The following OTOGL variants were observed in gnomAD, a reference collection of about 807,000 sequenced individuals.
OTOGL encodes the protein otogelin-like protein.
In OTOGL, 285 loss-of-function variants were observed where a neutral mutation model predicts 318.5. That is an observed-to-expected ratio of 0.89 (90% CI 0.81 to 0.99). The LOEUF (loss-of-function observed/expected upper bound fraction) is 0.99, where lower values mean the gene tolerates loss of function less well. Among genes scored for constraint, OTOGL ranks in the 50% least tolerant of loss-of-function variants. The pLI is 0.00. For missense variants in OTOGL, 2,899 were observed against 2,845.6 expected (o/e 1.02, Z -0.43); for synonymous variants, 987 against 936.5 (o/e 1.05, Z -0.99).
chr12:80,367,849 A>G, intron 54 of OTOGL, 110 bp downstream of exon 54: 2 of 732,456 alleles, frequency 2.7e-6, no homozygotes, highest in Non-Finnish European at 4.0e-6. Context: ...TATATTATAT[A>G]GTTCTTCAAT....
At chr12:80,330,742 A>T (rs1888015779) in intron 37 of OTOGL, among the ~76,000 whole-genome samples, 1 of 152,242 alleles carries the variant, frequency 6.6e-6, no homozygotes, top group Non-Finnish European at 1.5e-5. Flanking sequence ...TAAGGGATCT[A>T]CTGAAACCTA....
intron 46 of OTOGL, among the ~76,000 whole-genome samples, chr12:80,355,475 C>T (rs1889829557): frequency 6.6e-6 from 1 of 152,030 alleles, no homozygotes; most frequent in African/African-American, 2.4e-5. Context: ...CCTCCCTCCT[C>T]AGCCTCCCAA....
chr12:80,209,608 A>T, intron 2 of OTOGL, 98 bp downstream of exon 2: 1 of 722,328 alleles, frequency 1.4e-6, no homozygotes, highest in East Asian at 2.8e-5. Flanking sequence ...CTTTGAAGTC[A>T]TTAGAATGAA....
At chr12:80,103,393 CT>C in intron 1 of OTOGL, 2 of 823,120 alleles carry the variant, frequency 2.4e-6, no homozygotes, top group Non-Finnish European at 4.0e-6. Context: ...CTTCACATTC[CT>C]TTTGACTGTG....
rs76801618 is a variant in OTOGL at position 80,181,130 on chromosome 12, A to G, written c.-19-28283A>G. On this transcript the variant is annotated intron_variant, in intron 1 of 58. Transcript: ENST00000547103. ...TGAGCATGAAGGTTTGTCAATTGGT[A>G]CATTTCAGCAGATATTACAATTAGT... Among the ~76,000 whole-genome samples, 150 of 152,326 alleles carry G rather than the reference A, an allele frequency of 9.8e-4. 2 individuals carry two copies. In the East Asian group the frequency reaches 0.024, roughly 24 times the overall value.
intron 7 of OTOGL, among the ~76,000 whole-genome samples, chr12:80,223,311 T>C (rs1878533349): frequency 6.6e-6 from 1 of 151,966 alleles, no homozygotes; most frequent in Non-Finnish European, 1.5e-5. Context: ...TATCATATTT[T>C]CTTTATCCAC....
intron 38 of OTOGL, among the ~76,000 whole-genome samples, chr12:80,333,596 A>G (rs979760259): frequency 1.7e-4 from 26 of 152,260 alleles, no homozygotes; most frequent in African/African-American, 6.3e-4. Flanking sequence ...TCCTATGGAA[A>G]AAATATAAAA....
chr12:80,236,871 G>T (rs1487939443), intron 9 of OTOGL, among the ~76,000 whole-genome samples: 1 of 147,712 alleles, frequency 6.8e-6, no homozygotes, highest in Non-Finnish European at 1.5e-5. Flanking sequence ...CTGGAGTGCA[G>T]TGGCGCGATC....
chr12:80,257,713 C>A (rs1442723768), intron 17 of OTOGL, 112 bp from the exon 18 acceptor site: 31 of 1,085,556 alleles, frequency 2.9e-5, no homozygotes, highest in Non-Finnish European at 3.7e-5. Context: ...CACTAGCCTG[C>A]CTCTCCTCCT....
At chr12:80,247,077 G>T (rs1880971824) in intron 11 of OTOGL, among the ~76,000 whole-genome samples, 1 of 126,020 alleles carries the variant, frequency 7.9e-6, no homozygotes, top group African/African-American at 3.7e-5. Flanking sequence ...AGTCTTGCTA[G>T]CAGTCTATCA....
intron 1 of OTOGL, among the ~76,000 whole-genome samples, chr12:80,100,265 A>G (rs1869058776): frequency 2.0e-5 from 3 of 152,178 alleles, no homozygotes; most frequent in Non-Finnish European, 4.4e-5. Context: ...TTATTTTAAA[A>G]TATACAGTAA....
chr12:80,269,300 T>A (rs929243646), intron 22 of OTOGL, among the ~76,000 whole-genome samples: 1 of 152,172 alleles, frequency 6.6e-6, no homozygotes, highest in African/African-American at 2.4e-5. Flanking sequence ...TTTTCCATCA[T>A]GTTATCTTCT....
intron 20 of OTOGL, chr12:80,265,524 A>G (rs1387402983): frequency 5.6e-6 from 2 of 359,568 alleles, no homozygotes; most frequent in Non-Finnish European, 1.1e-5. Flanking sequence ...TAAATATTGG[A>G]AAGTATGGAA....
chr12:80,139,850 C>A (rs1476256780), intron 1 of OTOGL, among the ~76,000 whole-genome samples: 1 of 152,072 alleles, frequency 6.6e-6, no homozygotes, highest in Non-Finnish European at 1.5e-5. Flanking sequence ...TTGATAACTG[C>A]TCAATCTCTT....
In OTOGL at chr12:80,314,328, GA is replaced by G; in HGVS notation, c.3633del (p.Gly1212AspfsTer23). ...VCSLDCEYYN[E>X]GLGEGPYMLA... ...AGCACTTGATTGTGAATACTACAAT[GA>G]AGGTATGTGACATTCAAATTAAAAA... On this transcript the variant is annotated frameshift_variant and splice_region_variant, in exon 32 of 59. Coordinates refer to ENST00000547103, the MANE Select transcript of OTOGL (RefSeq NM_001378609.3). LOFTEE classifies it high-confidence loss of function. 9.6e-7 allele frequency: 1 copy of G among 1,043,820 alleles called. No individual in the cohort carries two copies. The highest frequency in any genetic ancestry group is 1.3e-6 in the Non-Finnish European group (1 of 781,234). 64.7% of individuals were successfully genotyped at this position (1,043,820 alleles called of 1,614,324 possible). A position where few individuals can be genotyped will look rare whatever the true frequency, so the allele number is the denominator to read the frequency against.
chr12:80,229,040 A>G (rs940414678), intron 7 of OTOGL, among the ~76,000 whole-genome samples: 6 of 152,184 alleles, frequency 3.9e-5, no homozygotes, highest in Non-Finnish European at 8.8e-5. Context: ...AAATCGTTCA[A>G]AAATATGCTG....
intron 1 of OTOGL, among the ~76,000 whole-genome samples, chr12:80,139,332 C>T (rs1871779057): frequency 6.6e-6 from 1 of 152,170 alleles, no homozygotes; most frequent in Admixed American, 6.5e-5. Context: ...GGAACTGTAG[C>T]AATCCATTTT....
At chr12:80,202,755 C>A (rs1048277838) in intron 1 of OTOGL, among the ~76,000 whole-genome samples, 2 of 152,146 alleles carry the variant, frequency 1.3e-5, no homozygotes, top group African/African-American at 2.4e-5. Flanking sequence ...TCAGGGTTCT[C>A]CAGAGAAACA....
intron 1 of OTOGL, among the ~76,000 whole-genome samples, chr12:80,124,060 A>G (rs1351369052): frequency 2.6e-5 from 4 of 152,052 alleles, no homozygotes; most frequent in Admixed American, 1.3e-4. Flanking sequence ...CCATTTGTCA[A>G]TTTGGCTTTT....
Sources: allele counts gnomAD v4.1 joint callset (sites outside exome capture counted in the v4.1 genomes callset), GRCh38; gene constraint gnomAD v4.1.1; transcripts MANE v1.5; gene names NCBI Gene and HGNC (gene_info 2026-07-23, HGNC 2026-07-21).